Variants in MTHFD2L observed in about 807,000 individuals in gnomAD.
MTHFD2L encodes the protein methylenetetrahydrofolate dehydrogenase (NADP+ dependent) 2 like, also known as bifunctional methylenetetrahydrofolate dehydrogenase/cyclohydrolase 2, mitochondrial.
A neutral mutation model predicts 34.9 loss-of-function variants in MTHFD2L; 29 were observed. The observed-to-expected ratio is 0.83, with a 90% confidence interval of 0.62 to 1.13. The LOEUF is 1.13. Ranked by LOEUF, MTHFD2L falls within the 50% of genes most tolerant of loss-of-function variation. The probability of loss-of-function intolerance (pLI) is 0.00; values close to 1 mark genes in which losing one functional copy is unlikely to be tolerated. For synonymous variants in MTHFD2L, 167 were observed against 155.7 expected (o/e 1.07, Z -0.54); for missense variants, 481 against 446.5 (o/e 1.08, Z -0.70).
At chr4:74,124,532 G>A (rs192501438), upstream of MTHFD2L, among the ~76,000 whole-genome samples, 51 of 151,746 alleles carry the variant, frequency 3.4e-4, no homozygotes, top group East Asian at 8.5e-3. Context: ...TAGTCAGTGA[G>A]AATCATTTTG....
chr4:74,122,579 G>C (rs889984578), upstream of MTHFD2L, among the ~76,000 whole-genome samples: 3 of 151,954 alleles, frequency 2.0e-5, no homozygotes, highest in Non-Finnish European at 4.4e-5. Context: ...CGTACTGAGA[G>C]GTACACAACA....
chr4:74,230,801 TG>T (rs1739926649), intron 6 of MTHFD2L, among the ~76,000 whole-genome samples: 1 of 152,096 alleles, frequency 6.6e-6, no homozygotes, highest in South Asian at 2.1e-4. Flanking sequence ...TGGAGATCAT[TG>T]GGCTTTCTCG....
intron 3 of MTHFD2L, chr4:74,180,571 A>T (rs762876994): frequency 4.6e-6 from 1 of 215,180 alleles, no homozygotes; most frequent in Admixed American, 4.3e-5. Context: ...AATTAAACAG[A>T]ATGTGCAGGG....
upstream of MTHFD2L, among the ~76,000 whole-genome samples, chr4:74,156,359 C>A (rs1252589898): frequency 6.6e-6 from 1 of 152,140 alleles, no homozygotes; most frequent in Non-Finnish European, 1.5e-5. Flanking sequence ...GACTACCTTC[C>A]TTCACTTATC....
intron 7 of MTHFD2L, among the ~76,000 whole-genome samples, chr4:74,292,450 T>C (rs903102847): frequency 6.6e-6 from 1 of 152,128 alleles, no homozygotes; most frequent in African/African-American, 2.4e-5. Flanking sequence ...TTTTATCTGC[T>C]CCTATCTCAG....
In MTHFD2L at chr4:74,256,707, A is replaced by T. The variant is rs537424527; in HGVS notation, c.806-24718A>T. ...ACCTATAACCATTTGTCATAATCAA[A>T]TGATTGTCAGTGGGGAAACGTATAA... On this transcript the variant is annotated intron_variant, in intron 6 of 7. Transcript: ENST00000325278. 2.6e-5 allele frequency among the ~76,000 whole-genome samples: 4 copies of T among 152,300 alleles called. No homozygotes were observed. In the East Asian group the frequency reaches 7.7e-4, roughly 29 times the overall value.
At chr4:74,132,816 A>T (rs980760957) in intron 1 of MTHFD2L, among the ~76,000 whole-genome samples, 3 of 152,178 alleles carry the variant, frequency 2.0e-5, no homozygotes, top group African/African-American at 7.2e-5. Context: ...CAGTTCGCAT[A>T]TTTTAAAAAT....
chr4:74,276,624 A>G (rs1297941774), intron 6 of MTHFD2L, among the ~76,000 whole-genome samples: 1 of 152,132 alleles, frequency 6.6e-6, no homozygotes, highest in Non-Finnish European at 1.5e-5. Context: ...TCCAATGACA[A>G]GAATTTATAT....
At chr4:74,287,765 GCT>G (rs1748375212) in intron 7 of MTHFD2L, among the ~76,000 whole-genome samples, 1 of 152,104 alleles carries the variant, frequency 6.6e-6, no homozygotes, top group Non-Finnish European at 1.5e-5. Context: ...AGATAATTTG[GCT>G]CTTTCCCATA....
chr4:74,286,497 A>G (rs958213848), intron 7 of MTHFD2L, among the ~76,000 whole-genome samples: 1 of 152,210 alleles, frequency 6.6e-6, no homozygotes, highest in Non-Finnish European at 1.5e-5. Flanking sequence ...ATGAGTAGTA[A>G]ATAGCTTCTT....
At chr4:74,147,753 T>C (rs1214762392) in intron 1 of MTHFD2L, among the ~76,000 whole-genome samples, 1 of 152,230 alleles carries the variant, frequency 6.6e-6, no homozygotes, top group African/African-American at 2.4e-5. Context: ...CATTGCGCTT[T>C]GGATTTGCAT....
intron 3 of MTHFD2L, among the ~76,000 whole-genome samples, chr4:74,192,308 C>T (rs1356631798): frequency 6.6e-6 from 1 of 152,092 alleles, no homozygotes; most frequent in Admixed American, 6.6e-5. Context: ...AAGACTGGTA[C>T]AATGAACACT....
In MTHFD2L at chr4:74,282,960, T is replaced by C. The variant is rs113899592; in HGVS notation, c.931+1410T>C. Among the ~76,000 whole-genome samples the C allele has an allele frequency of 5.6e-3, 849 of 152,114 alleles. 4 individuals are homozygous for C. The highest frequency in any genetic ancestry group is 0.02 in the African/African-American group (813 of 41,422). On this transcript the variant is annotated intron_variant, in intron 7 of 7. Coordinates refer to ENST00000325278, the MANE Select transcript of MTHFD2L (RefSeq NM_001144978.3). ...GCCAGATATGAGTAACTTATTTGAA[T>C]TTCTCAACTTGAAAGAGTAAAGTGC...
chr4:74,180,568 CAG>C (rs1358162744), intron 3 of MTHFD2L: 1 of 206,500 alleles, frequency 4.8e-6, no homozygotes, highest in African/African-American at 2.3e-5. Context: ...AAGAATTAAA[CAG>C]AATGTGCAGG....
At chr4:74,206,328 G>T (rs1735308118) in intron 5 of MTHFD2L, among the ~76,000 whole-genome samples, 1 of 152,118 alleles carries the variant, frequency 6.6e-6, no homozygotes, top group South Asian at 2.1e-4. Flanking sequence ...TGGAGTGTGG[G>T]CTGATGTCAT....
At chr4:74,183,715 T>C (rs1730616605) in intron 3 of MTHFD2L, 1 of 151,698 alleles carries the variant, frequency 6.6e-6, no homozygotes, top group Admixed American at 6.6e-5. Context: ...TGATACTAGA[T>C]GGAAATATGG....
At chr4:74,263,443 T>G (rs544401240) in intron 6 of MTHFD2L, among the ~76,000 whole-genome samples, 16 of 152,206 alleles carry the variant, frequency 1.1e-4, no homozygotes, top group Non-Finnish European at 1.6e-4. Flanking sequence ...TGATATTGAT[T>G]CTTTCTATCC....
chr4:74,158,124 CG>C lies in MTHFD2L; in HGVS notation c.-11del. On this transcript the variant is annotated 5_prime_UTR_variant, in exon 1 of 8. Coordinates refer to ENST00000325278, the MANE Select transcript of MTHFD2L (RefSeq NM_001144978.3). ...GGAGGTGGAGCCCCAGTCCGGAAGC[CG>C]GGGATCCGCGGCCATGACGGTGCCG... 1 of 1,529,828 alleles carries C rather than the reference CG, an allele frequency of 6.5e-7. No homozygotes were observed. 94.8% of individuals were successfully genotyped at this position (1,529,828 alleles called of 1,614,324 possible). A position where few individuals can be genotyped will look rare whatever the true frequency, so the allele number is the denominator to read the frequency against.
intron 6 of MTHFD2L, among the ~76,000 whole-genome samples, chr4:74,273,966 A>C (rs1746306153): frequency 1.3e-5 from 2 of 152,156 alleles, no homozygotes. Context: ...AGTTTTCCAT[A>C]GTTCAGAGGA....
Sources: gnomAD v4.1 joint callset for allele counts (sites outside exome capture counted in the v4.1 genomes callset) on GRCh38, gnomAD v4.1.1 for gene constraint, MANE v1.5 for transcripts, NCBI Gene and HGNC (gene_info 2026-07-23, HGNC 2026-07-21) for gene names.